The following FARP1 variants were observed in gnomAD, a reference collection of about 807,000 sequenced individuals.
FARP1 encodes the protein FERM, ARH/RhoGEF and pleckstrin domain protein 1, also known as FERM, ARHGEF and pleckstrin domain-containing protein 1.
A neutral mutation model predicts 128.8 loss-of-function variants in FARP1; 52 were observed. That is an observed-to-expected ratio of 0.40 (90% CI 0.32 to 0.51). The LOEUF is 0.51. Ranked by LOEUF, FARP1 falls within the 20% of genes least tolerant of loss-of-function variation. The pLI is 0.45. For missense variants in FARP1, 1,333 were observed against 1,367.9 expected (o/e 0.97, Z 0.40); for synonymous variants, 580 against 551.8 (o/e 1.05, Z -0.72).
intron 3 of FARP1, among the ~76,000 whole-genome samples, chr13:98,359,149 A>G (rs1307317511): frequency 6.6e-6 from 1 of 152,162 alleles, no homozygotes; most frequent in Admixed American, 6.5e-5. Flanking sequence ...TTAGTCTTGG[A>G]TTCAGCCGGA....
chr13:98,368,705 C>G (rs9556940), intron 5 of FARP1, among the ~76,000 whole-genome samples: 19,512 of 152,076 alleles, frequency 0.13, 1,703 homozygotes, highest in East Asian at 0.33. Context: ...CCATTACTTC[C>G]CCTATTACAG....
intron 1 of FARP1, among the ~76,000 whole-genome samples, chr13:98,188,680 G>A (rs906779302): frequency 2.0e-5 from 3 of 152,118 alleles, no homozygotes; most frequent in Non-Finnish European, 2.9e-5. Flanking sequence ...GCTGACCTGC[G>A]GGTCCCCTGT....
chr13:98,231,490 T>A (rs761156601), intron 2 of FARP1, among the ~76,000 whole-genome samples: 1 of 152,198 alleles, frequency 6.6e-6, no homozygotes, highest in Admixed American at 6.5e-5. Flanking sequence ...CAAGCTGGAG[T>A]GCAGTGGCAT....
chr13:98,416,907 C>T (rs72652224), intron 16 of FARP1, among the ~76,000 whole-genome samples: 5,572 of 152,234 alleles, frequency 0.037, 143 homozygotes, highest in Middle Eastern at 0.065. Context: ...ATGGGGTGCA[C>T]GCAGTTTTCA....
chr13:98,226,451 C>A (rs751419783), intron 2 of FARP1, among the ~76,000 whole-genome samples: 2 of 151,702 alleles, frequency 1.3e-5, no homozygotes, highest in Admixed American at 1.3e-4. Flanking sequence ...TTCATACTCA[C>A]AGGTACCAGG....
intron 2 of FARP1, among the ~76,000 whole-genome samples, chr13:98,314,115 T>A (rs1886611652): frequency 6.6e-6 from 1 of 151,996 alleles, no homozygotes; most frequent in South Asian, 2.1e-4. Flanking sequence ...GCAGGGAGGC[T>A]TGGGGTTGAA....
chr13:98,407,140 T>C (rs1472207896), intron 13 of FARP1: 1 of 152,644 alleles, frequency 6.6e-6, no homozygotes, highest in East Asian at 1.9e-4. Context: ...CAGCATGCTC[T>C]CACTTATAAC....
At chr13:98,446,355 C>T (rs544728371) in intron 25 of FARP1, 150 bp downstream of exon 25, 36 of 616,714 alleles carry the variant, frequency 5.8e-5, no homozygotes, top group African/African-American at 4.4e-4. Flanking sequence ...CCTGTCCACC[C>T]GAGGCCCTCA....
At chr13:98,201,984 G>C (rs1319528466) in intron 1 of FARP1, among the ~76,000 whole-genome samples, 3 of 152,240 alleles carry the variant, frequency 2.0e-5, no homozygotes, top group African/African-American at 7.2e-5. Flanking sequence ...TTGATCTGCA[G>C]TTGTTTCTTT....
At chr13:98,441,594 T>TG (rs968890045) in intron 24 of FARP1, among the ~76,000 whole-genome samples, 3 of 152,174 alleles carry the variant, frequency 2.0e-5, no homozygotes, top group African/African-American at 7.2e-5. Flanking sequence ...CTTTCTACAG[T>TG]GGGGGTCTTA....
intron 2 of FARP1, among the ~76,000 whole-genome samples, chr13:98,308,309 G>A (rs1886275851): frequency 6.6e-6 from 1 of 152,166 alleles, no homozygotes; most frequent in Admixed American, 6.5e-5. Flanking sequence ...CAAGGTCACC[G>A]CTCTTCTCGT....
chr13:98,421,780 G>A (rs748543830), intron 16 of FARP1, among the ~76,000 whole-genome samples: 8 of 152,102 alleles, frequency 5.3e-5, no homozygotes, highest in Non-Finnish European at 1.2e-4. Flanking sequence ...TTGAGACCAG[G>A]AGTTGGAGGC....
At position 98,454,740 on chromosome 13, in the gene FARP1, CAGCCATCGG is replaced by C. The variant is rs2139235771; in HGVS notation, c.*6424_*6432del. 6.6e-6 allele frequency: 1 copy of C among 152,328 alleles called. No individual in the cohort carries two copies. The highest frequency in any genetic ancestry group is 1.5e-5 in the Non-Finnish European group (1 of 68,042). The allele number at this position is 152,328 out of a possible 1,614,324, so 9.4% of individuals were successfully genotyped here. A position where few individuals can be genotyped will look rare whatever the true frequency, so the allele number is the denominator to read the frequency against. On this transcript the variant is annotated 3_prime_UTR_variant, in exon 27 of 27. Coordinates refer to ENST00000319562, the MANE Select transcript of FARP1 (RefSeq NM_005766.4). ...TAAGCCATGGCCACCGTGGTTTTGG[CAGCCATCGG>C]GGTGAACGCTCAGTGGGAGCTTCAG...
chr13:98,395,428 A>G lies in FARP1; in HGVS notation c.1366A>G (p.Lys456Glu), dbSNP rs908711159. The change falls in exon 13 of 27, where the codon AAG becomes GAG. Residue 456 changes from lysine to glutamate, a missense_variant. This residue lies in a region of FARP1 where 1,009 missense variants were observed against 969.8 expected (regional missense o/e 1.04). Transcript: ENST00000319562. Reference sequence around the variant, plus strand: ...CACGGAGGAAGAGGAGGAGGTCGTTAAGGATAGGACCCAGCAGAGTAAACC... The same window carrying G: ...CACGGAGGAAGAGGAGGAGGTCGTTGAGGATAGGACCCAGCAGAGTAAACC... Reference protein sequence around the residue: ...APTEEEEEVVKDRTQQSKPQP... With the variant: ...APTEEEEEVVEDRTQQSKPQP... 1.6e-5 allele frequency: 25 copies of G among 1,610,782 alleles called. No individual in the cohort carries two copies. The highest frequency in any genetic ancestry group is 2.7e-5 in the African/African-American group (2 of 74,924).
At chr13:98,404,529 G>A (rs1283056948) in intron 13 of FARP1, 2 of 152,092 alleles carry the variant, frequency 1.3e-5, no homozygotes, top group African/African-American at 4.8e-5. Flanking sequence ...CTCAAGAGAG[G>A]TTTCATTGTA....
chr13:98,370,976 C>G (rs1245758242), intron 5 of FARP1, among the ~76,000 whole-genome samples: 3 of 152,144 alleles, frequency 2.0e-5, no homozygotes, highest in African/African-American at 7.2e-5. Flanking sequence ...ACAGGAGGGC[C>G]TTTCGCTGGG....
intron 2 of FARP1, among the ~76,000 whole-genome samples, chr13:98,264,867 C>T (rs758348506): frequency 7.2e-5 from 11 of 152,210 alleles, no homozygotes; most frequent in Admixed American, 4.6e-4. Flanking sequence ...TTCTGTAGTT[C>T]GAATTCTTAC....
rs766265936 is a variant in FARP1 at position 98,440,039 on chromosome 13, G to A, written c.2512G>A (p.Ala838Thr). 26 of 1,607,028 alleles carry A rather than the reference G, an allele frequency of 1.6e-5. No homozygotes were observed. Among genetic ancestry groups the A allele is most frequent in the Admixed American group, 6.7e-5 (4 of 59,856 alleles). Residue 838 changes from alanine (A) to threonine (T), a missense_variant, in exon 22 of 27, where the codon GCC becomes ACC. By Grantham distance (58) the Ala-to-Thr change is moderately conservative. Transcript: ENST00000319562. The stretch of plus-strand genomic sequence containing the variant: ...CCAGCGGCAGTCCATCATCGTGGCC[G>A]CCAGGTAACTCGGGAGCCCGCCCCT... ...RGQRQSIIVA[A>T]SSRSEMEKWV...
chr13:98,188,349 C>A (rs766124583), intron 1 of FARP1, among the ~76,000 whole-genome samples: 3 of 152,080 alleles, frequency 2.0e-5, no homozygotes, highest in African/African-American at 7.2e-5. Flanking sequence ...GTCAGGAGTT[C>A]GAGACCAGCC....
Sources: allele counts gnomAD v4.1 joint callset (sites outside exome capture counted in the v4.1 genomes callset), GRCh38; gene constraint gnomAD v4.1.1; regional missense constraint gnomAD v4.1.1; transcripts MANE v1.5; gene names NCBI Gene and HGNC (gene_info 2026-07-23, HGNC 2026-07-21).